The following ATP2C2 variants were observed in gnomAD, a reference collection of about 807,000 sequenced individuals.
ATP2C2 encodes the protein ATPase secretory pathway Ca2+ transporting 2.
In ATP2C2, 171 loss-of-function variants were observed where a neutral mutation model predicts 110.8. The ratio of observed to expected loss-of-function variants is 1.54; its 90% CI spans 1.36 to 1.75. The LOEUF (loss-of-function observed/expected upper bound fraction) is 1.75, where lower values mean the gene tolerates loss of function less well. Among genes scored for constraint, ATP2C2 ranks in the 40% most tolerant of loss-of-function variants. The probability of loss-of-function intolerance (pLI) is 0.00; values close to 1 mark genes in which losing one functional copy is unlikely to be tolerated. For missense variants in ATP2C2, 1,963 were observed against 1,235.0 expected (o/e 1.59, Z -8.84); for synonymous variants, 804 against 508.4 (o/e 1.58, Z -7.82).
chr16:84,379,289 C>A (rs563234984), intron 1 of ATP2C2, among the ~76,000 whole-genome samples: 3 of 152,132 alleles, frequency 2.0e-5, no homozygotes, highest in African/African-American at 7.2e-5. Context: ...CTGAAGTGAT[C>A]CTCCCACCTC....
At position 84,373,297 on chromosome 16, in the gene ATP2C2, C is replaced by T. The variant is rs557555811; in HGVS notation, c.99+4583C>T. On this transcript the variant is annotated intron_variant, in intron 1 of 26. Transcript: ENST00000262429. Reference sequence around the variant, plus strand: ...GGCGGATCACCTGAGGTTACGAGTTCGAGACCAGCCTGGCCAACATGGCAA... The same window carrying T: ...GGCGGATCACCTGAGGTTACGAGTTTGAGACCAGCCTGGCCAACATGGCAA... Among the ~76,000 whole-genome samples, 10 of 152,240 alleles carry T rather than the reference C, an allele frequency of 6.6e-5. No individual in the cohort carries two copies. In the South Asian group the frequency reaches 1.2e-3, roughly 19 times the overall value.
At chr16:84,383,933 G>C (rs1904291171) in intron 1 of ATP2C2, among the ~76,000 whole-genome samples, 1 of 151,878 alleles carries the variant, frequency 6.6e-6, no homozygotes, top group Admixed American at 6.6e-5. Context: ...GGGACTACAG[G>C]CATGTGCCAC....
At chr16:84,433,790 C>T (rs1184415212) in intron 11 of ATP2C2, among the ~76,000 whole-genome samples, 1 of 152,086 alleles carries the variant, frequency 6.6e-6, no homozygotes, top group African/African-American at 2.4e-5. Flanking sequence ...TAAATATTTC[C>T]AGAAGAAAAA....
chr16:84,444,520 A>G (rs997738550), intron 15 of ATP2C2, among the ~76,000 whole-genome samples: 13 of 152,148 alleles, frequency 8.5e-5, no homozygotes, highest in African/African-American at 3.1e-4. Flanking sequence ...TCTTCCATTC[A>G]CAGAAGAGAA....
chr16:84,403,752 G>A (rs1276119759), intron 2 of ATP2C2, among the ~76,000 whole-genome samples: 1 of 151,554 alleles, frequency 6.6e-6, no homozygotes, highest in Admixed American at 6.6e-5. Flanking sequence ...GTGCAATGGC[G>A]CGATCTCAGC....
chr16:84,403,913 A>C (rs1166390664), intron 2 of ATP2C2, among the ~76,000 whole-genome samples: 2 of 151,808 alleles, frequency 1.3e-5, no homozygotes, highest in Non-Finnish European at 2.9e-5. Flanking sequence ...CTGCTCTCGA[A>C]CTCCCGACCT....
chr16:84,419,208 TAAAAAAAA>T (rs59552270), intron 7 of ATP2C2, among the ~76,000 whole-genome samples: 43 of 47,470 alleles, frequency 9.1e-4, no homozygotes, highest in African/African-American at 2.3e-3. Flanking sequence ...ACCCCATCTT[TAAAAAAAA>T]AAAAAAAAAA....
intron 17 of ATP2C2, among the ~76,000 whole-genome samples, chr16:84,450,191 G>A (rs1910131497): frequency 6.6e-6 from 1 of 152,226 alleles, no homozygotes; most frequent in African/African-American, 2.4e-5. Flanking sequence ...AAATGGACTT[G>A]TCTTCCACCT....
intron 15 of ATP2C2, among the ~76,000 whole-genome samples, chr16:84,445,401 G>T (rs1209914066): frequency 6.6e-6 from 1 of 151,946 alleles, no homozygotes; most frequent in Admixed American, 6.6e-5. Context: ...GTAGAGACAG[G>T]GTTTCACCAT....
At chr16:84,374,839 A>T (rs1174768146) in intron 1 of ATP2C2, among the ~76,000 whole-genome samples, 2 of 152,212 alleles carry the variant, frequency 1.3e-5, no homozygotes, top group African/African-American at 4.8e-5. Context: ...CAGTTATGAA[A>T]GACCCGAGAG....
intron 1 of ATP2C2, among the ~76,000 whole-genome samples, chr16:84,393,008 G>T (rs1437498184): frequency 6.6e-6 from 1 of 152,156 alleles, no homozygotes; most frequent in Non-Finnish European, 1.5e-5. Flanking sequence ...CCCTGAGTTT[G>T]TTTCCAGTTT....
chr16:84,418,612 C>T (rs1458189219), intron 7 of ATP2C2, among the ~76,000 whole-genome samples: 1 of 152,226 alleles, frequency 6.6e-6, no homozygotes, highest in African/African-American at 2.4e-5. Context: ...ACGGACACAG[C>T]AGCCCGCAGA....
At chr16:84,448,235 G>A (rs995473298) in intron 16 of ATP2C2, among the ~76,000 whole-genome samples, 17 of 152,096 alleles carry the variant, frequency 1.1e-4, no homozygotes, top group Middle Eastern at 3.4e-3. Flanking sequence ...GATACCTCCC[G>A]TGCATGAAAC....
chr16:84,463,799 T>A lies in ATP2C2; in HGVS notation c.*67T>A. On this transcript the variant is annotated 3_prime_UTR_variant, in exon 27 of 27. Coordinates refer to ENST00000262429, the MANE Select transcript of ATP2C2 (RefSeq NM_014861.4). ...GGTTGTGACTGTGGCCCCTGCCGTG[T>A]CTCCTCGTCAGGGGAGACTTTTAGG... 7.2e-7 allele frequency: 1 copy of A among 1,394,406 alleles called. No homozygotes were observed. 86.4% of individuals were successfully genotyped at this position (1,394,406 alleles called of 1,614,324 possible).
At chr16:84,372,849 G>A (rs191347515) in intron 1 of ATP2C2, among the ~76,000 whole-genome samples, 14 of 152,060 alleles carry the variant, frequency 9.2e-5, no homozygotes, top group African/African-American at 2.4e-4. Flanking sequence ...GGCCTGTTGC[G>A]GTGACTCACT....
rs58962357 is a variant in ATP2C2 at position 84,415,647 on chromosome 16, A to C, written c.624+56A>C. ...TATTTGATGGAGCTGGTCAAGGAGC[A>C]GACACTTAGCTAATTGTAGGCATGT... On this transcript the variant is annotated intron_variant, in intron 7 of 26. Coordinates refer to ENST00000262429, the MANE Select transcript of ATP2C2 (RefSeq NM_014861.4). 1,386 of 1,429,532 alleles carry C rather than the reference A, an allele frequency of 9.7e-4. 12 individuals carry two copies. The African/African-American group carries it at 0.017, about 18-fold the overall frequency. 88.6% of individuals were successfully genotyped at this position (1,429,532 alleles called of 1,614,324 possible).
rs370676847 is a variant in ATP2C2 at position 84,423,272 on chromosome 16, A to G, written c.919+9A>G. On this transcript the variant is annotated intron_variant, in intron 10 of 26. Coordinates refer to ENST00000262429, the MANE Select transcript of ATP2C2 (RefSeq NM_014861.4). ...CTCCTTTGGCATAATCGGTGAGTGA[A>G]GCAGTTTCCATACTGGGTTTGTTCT... 9.9e-6 allele frequency: 16 copies of G among 1,612,402 alleles called. No homozygotes were observed. The African/African-American group carries it at 1.6e-4, about 16-fold the overall frequency.
intron 6 of ATP2C2, among the ~76,000 whole-genome samples, chr16:84,412,338 A>G (rs951542271): frequency 4.3e-5 from 5 of 115,680 alleles, no homozygotes; most frequent in East Asian, 2.3e-4. Context: ...GTGTGTCTGT[A>G]TGCGTGTGTC....
In ATP2C2 at chr16:84,458,599, A is replaced by AG. The variant is rs372640342; in HGVS notation, c.2148-521_2148-520insG. On this transcript the variant is annotated intron_variant, in intron 21 of 26. Coordinates refer to ENST00000262429, the MANE Select transcript of ATP2C2 (RefSeq NM_014861.4). ...GGCGGTGGGGGCACCCACGGTGCGT[A>AG]ATTGTTTTTCTACATTAGTGACCCC... 9.9e-4 allele frequency among the ~76,000 whole-genome samples: 151 copies of AG among 152,306 alleles called. 1 individual carries two copies. Among genetic ancestry groups the AG allele is most frequent in the African/African-American group, 3.5e-3 (146 of 41,560 alleles).
Sources: gnomAD v4.1 joint callset for allele counts (sites outside exome capture counted in the v4.1 genomes callset) on GRCh38, gnomAD v4.1.1 for gene constraint, MANE v1.5 for transcripts, NCBI Gene and HGNC (gene_info 2026-07-23, HGNC 2026-07-21) for gene names.